Variants in NCOA1 observed in about 807,000 individuals in gnomAD.
NCOA1 encodes Hin-2 protein.
NCOA1 carries 35 observed loss-of-function variants against 150.9 expected under a neutral mutation model. The ratio of observed to expected loss-of-function variants is 0.23; its 90% CI spans 0.18 to 0.31. The LOEUF (loss-of-function observed/expected upper bound fraction) is 0.31, where lower values mean the gene tolerates loss of function less well. Among genes scored for constraint, NCOA1 ranks in the 10% least tolerant of loss-of-function variants. NCOA1 has a pLI of 1.00. For synonymous variants in NCOA1, 590 were observed against 630.0 expected, an observed-to-expected ratio of 0.94 and a Z score of 0.95; for missense variants, 1,491 against 1,749.3, an observed-to-expected ratio of 0.85 and a Z score of 2.63.
chr2:24,638,180 C>CTTTTTT (rs544369191), intron 3 of NCOA1, among the ~76,000 whole-genome samples: 3 of 89,508 alleles, frequency 3.4e-5, no homozygotes, highest in Non-Finnish European at 4.6e-5. Flanking sequence ...ATGAGATCAA[C>CTTTTTT]TTTTTTTTTT....
chr2:24,675,627 A>G (rs1452398964), intron 7 of NCOA1, among the ~76,000 whole-genome samples: 2 of 152,190 alleles, frequency 1.3e-5, no homozygotes, highest in Admixed American at 6.5e-5. Flanking sequence ...CATCACGCCT[A>G]TAATCCCAGC....
intron 1 of NCOA1, among the ~76,000 whole-genome samples, chr2:24,492,366 G>C (rs778197477): frequency 6.6e-6 from 1 of 152,154 alleles, no homozygotes; most frequent in African/African-American, 2.4e-5. Flanking sequence ...CCTTGTAAAA[G>C]ACCTGAAAAA....
intron 7 of NCOA1, among the ~76,000 whole-genome samples, chr2:24,681,825 C>T (rs1558899974): frequency 2.0e-5 from 3 of 152,010 alleles, no homozygotes; most frequent in Admixed American, 2.0e-4. Context: ...CACCGTTCTC[C>T]TGCCTCAGCC....
chr2:24,711,722 C>G (rs894578741), intron 14 of NCOA1, among the ~76,000 whole-genome samples: 1 of 152,150 alleles, frequency 6.6e-6, no homozygotes, highest in Non-Finnish European at 1.5e-5. Context: ...ATTGTTCTAA[C>G]CCAAGTTAGC....
intron 1 of NCOA1, among the ~76,000 whole-genome samples, chr2:24,555,023 ACACGAGG>A (rs1666017694): frequency 6.6e-6 from 1 of 152,146 alleles, no homozygotes; most frequent in Admixed American, 6.5e-5. Flanking sequence ...ACACAGACAC[ACACGAGG>A]AGTTTAGGAG....
chr2:24,574,638 CT>C (rs1356635092), intron 2 of NCOA1, among the ~76,000 whole-genome samples: 2 of 150,672 alleles, frequency 1.3e-5, no homozygotes, highest in African/African-American at 2.4e-5. Context: ...AAATTTGGAC[CT>C]GATAATCTTT....
At chr2:24,655,521 A>G (rs962739545) in intron 4 of NCOA1, among the ~76,000 whole-genome samples, 3 of 152,170 alleles carry the variant, frequency 2.0e-5, no homozygotes, top group African/African-American at 7.2e-5. Context: ...AGCAGATGCA[A>G]ACTTTATATA....
chr2:24,722,282 A>G (rs1674392581), intron 14 of NCOA1, among the ~76,000 whole-genome samples: 1 of 152,230 alleles, frequency 6.6e-6, no homozygotes, highest in African/African-American at 2.4e-5. Flanking sequence ...ACCAGAGCAC[A>G]TCCAGGTAAA....
chr2:24,733,229 G>A (rs1299766364), intron 17 of NCOA1, among the ~76,000 whole-genome samples: 1 of 152,128 alleles, frequency 6.6e-6, no homozygotes, highest in Non-Finnish European at 1.5e-5. Flanking sequence ...ATAAAATAGT[G>A]AACTGAGGTA....
At chr2:24,544,203 G>A (rs1232534097) in intron 1 of NCOA1, among the ~76,000 whole-genome samples, 1 of 152,100 alleles carries the variant, frequency 6.6e-6, no homozygotes, top group African/African-American at 2.4e-5. Flanking sequence ...AAACCCTGGA[G>A]GAGAAGATTA....
chr2:24,740,228 A>G (rs1663536514), intron 18 of NCOA1, among the ~76,000 whole-genome samples: 1 of 152,230 alleles, frequency 6.6e-6, no homozygotes, highest in South Asian at 2.1e-4. Flanking sequence ...AAATAAAGCC[A>G]GCACCTGTAT....
chr2:24,758,783 C>T (rs1240899657), intron 21 of NCOA1, among the ~76,000 whole-genome samples: 1 of 151,496 alleles, frequency 6.6e-6, no homozygotes, highest in African/African-American at 2.4e-5. Context: ...GAGTTCGAGA[C>T]CAGCCTGGCC....
rs1665173483 is a variant in NCOA1, at chr2:24,768,400, A to C, written c.*9A>C. 1 of 1,576,378 alleles carries C rather than the reference A, an allele frequency of 6.3e-7. No homozygotes were observed. The highest frequency in any genetic ancestry group is 8.6e-7 in the Non-Finnish European group (1 of 1,156,928). On this transcript the variant is annotated 3_prime_UTR_variant, in exon 23 of 23. Transcript: ENST00000348332. ...AGCTACTGACTGAATAACCACTTTT[A>C]AAGGAATGTGAAATTTAAATAATAG...
intron 3 of NCOA1, among the ~76,000 whole-genome samples, chr2:24,611,261 G>T (rs1213601294): frequency 6.6e-6 from 1 of 152,110 alleles, no homozygotes; most frequent in Non-Finnish European, 1.5e-5. Context: ...CATCCACGTT[G>T]TCGCAAGTGG....
chr2:24,512,430 G>A (rs1410340888), intron 1 of NCOA1, among the ~76,000 whole-genome samples: 7 of 152,150 alleles, frequency 4.6e-5, no homozygotes, highest in Admixed American at 2.0e-4. Context: ...TATATCCACC[G>A]GTGCAGTAGG....
chr2:24,712,370 A>G (rs1673787513), intron 14 of NCOA1, among the ~76,000 whole-genome samples: 1 of 152,200 alleles, frequency 6.6e-6, no homozygotes, highest in Non-Finnish European at 1.5e-5. Context: ...CTCCTTCCCC[A>G]TCCAATATGG....
chr2:24,494,243 T>C (rs796324139), intron 1 of NCOA1, among the ~76,000 whole-genome samples: 2 of 152,304 alleles, frequency 1.3e-5, no homozygotes, highest in African/African-American at 4.8e-5. Context: ...GTATAGGGAA[T>C]CTGTATACTA....
chr2:24,736,242 AAG>A (rs1663297258), intron 17 of NCOA1, among the ~76,000 whole-genome samples: 1 of 151,430 alleles, frequency 6.6e-6, no homozygotes, highest in African/African-American at 2.4e-5. Context: ...AAAAAAGAAA[AAG>A]AAAAAGAAAA....
chr2:24,726,344 C>T (rs1043872584), intron 14 of NCOA1, among the ~76,000 whole-genome samples: 8 of 152,088 alleles, frequency 5.3e-5, no homozygotes, highest in African/African-American at 1.7e-4. Context: ...TTCTGGATAA[C>T]AGTAACCTAT....
Sources: allele counts gnomAD v4.1 joint callset (sites outside exome capture counted in the v4.1 genomes callset), GRCh38; gene constraint gnomAD v4.1.1; transcripts MANE v1.5; gene names NCBI Gene and HGNC (gene_info 2026-07-23, HGNC 2026-07-21).